Variants in PUM2 observed in about 807,000 individuals in gnomAD.
PUM2 encodes the protein pumilio homolog 2.
A neutral mutation model predicts 124.5 loss-of-function variants in PUM2; 57 were observed. That is an observed-to-expected ratio of 0.46 (90% confidence interval 0.37 to 0.57). The LOEUF (loss-of-function observed/expected upper bound fraction) is 0.57, where lower values mean the gene tolerates loss of function less well. Ranked by LOEUF, PUM2 falls within the 20% of genes least tolerant of loss-of-function variation. The probability of loss-of-function intolerance (pLI) is 0.00; values close to 1 mark genes in which losing one functional copy is unlikely to be tolerated. For synonymous variants in PUM2, 460 were observed against 446.1 expected, an observed-to-expected ratio of 1.03 and a Z score of -0.39; for missense variants, 1,065 against 1,290.6, an observed-to-expected ratio of 0.83 and a Z score of 2.68.
chr2:20,300,617 T>C (rs142783491), intron 7 of PUM2, among the ~76,000 whole-genome samples: 82 of 152,292 alleles, frequency 5.4e-4, no homozygotes, highest in African/African-American at 1.9e-3. Context: ...GTCCTGTTTT[T>C]AGCTATGCCC....
At position 20,350,736 on chromosome 2, in the gene PUM2, A is replaced by AC; in HGVS notation, c.-159dup. The AC allele has an allele frequency of 6.4e-6, 1 of 155,352 alleles. No individual in the cohort carries two copies. 9.6% of individuals were successfully genotyped at this position (155,352 alleles called of 1,614,324 possible). On this transcript the variant is annotated 5_prime_UTR_variant, in exon 1 of 21. Coordinates refer to ENST00000361078, the MANE Select transcript of PUM2 (RefSeq NM_015317.5). ...TCTCCACCTACCACCCTCCCCCCCC[A>AC]CCCCACCTCCTCCTTCTCCTCCCCC... is the stretch of plus-strand genomic sequence containing the variant.
chr2:20,258,494 T>G, intron 15 of PUM2, 123 bp from the exon 16 acceptor site: 1 of 842,030 alleles, frequency 1.2e-6, no homozygotes, highest in Non-Finnish European at 1.8e-6. Flanking sequence ...GGCTTTAAGG[T>G]AGAAGCTAAT....
chr2:20,344,673 T>A (rs760937479), intron 1 of PUM2, among the ~76,000 whole-genome samples: 6 of 151,976 alleles, frequency 3.9e-5, no homozygotes, highest in Non-Finnish European at 7.4e-5. Context: ...GGGACTAAAT[T>A]AACTTCTATA....
chr2:20,314,249 C>T (rs1396675485), intron 3 of PUM2, among the ~76,000 whole-genome samples: 1 of 152,086 alleles, frequency 6.6e-6, no homozygotes, highest in East Asian at 1.9e-4. Context: ...TCAGAACTCA[C>T]GACTATAACG....
chr2:20,268,237 A>C (rs1668166658), intron 13 of PUM2, among the ~76,000 whole-genome samples: 1 of 152,214 alleles, frequency 6.6e-6, no homozygotes, highest in African/African-American at 2.4e-5. Context: ...ATAGAAGAGT[A>C]TGGGGACTAA....
chr2:20,261,054 AG>A (rs2148524574), intron 14 of PUM2, among the ~76,000 whole-genome samples: 1 of 152,266 alleles, frequency 6.6e-6, no homozygotes, highest in Admixed American at 6.5e-5. Flanking sequence ...TACGTTACTC[AG>A]GTGTTCATGA....
At position 20,318,517 on chromosome 2, in the gene PUM2, C is replaced by T; in HGVS notation, c.160+20G>A. ...ATGCTAAATATATTCACAATTCTCA[C>T]ACATATACCAGTAACTTACGAGAAG... On this transcript the variant is annotated intron_variant, in intron 3 of 20. Transcript: ENST00000361078. The T allele has an allele frequency of 6.4e-7, 1 of 1,562,138 alleles. No individual in the cohort carries two copies.
At chr2:20,309,573 A>C (rs1038873936) in intron 5 of PUM2, among the ~76,000 whole-genome samples, 1 of 152,128 alleles carries the variant, frequency 6.6e-6, no homozygotes, top group Non-Finnish European at 1.5e-5. Flanking sequence ...GCCCATTATC[A>C]ATCCTCATTT....
Position 20,249,711 on chromosome 2 carries a change from G to C in PUM2, c.*1874C>G, listed in dbSNP as rs1662843315. 6.6e-6 allele frequency: 1 copy of C among 152,588 alleles called. No homozygotes were observed. The highest frequency in any genetic ancestry group is 2.1e-4 in the South Asian group (1 of 4,834). 9.5% of individuals were successfully genotyped at this position (152,588 alleles called of 1,614,324 possible). On this transcript the variant is annotated 3_prime_UTR_variant, in exon 21 of 21. Transcript: ENST00000361078. ...TCTTCCATATTCAGCTGACAGAATA[G>C]CATGTTCATTTTAGTTTTCAGCACT...
intron 18 of PUM2, 102 bp downstream of exon 18, chr2:20,255,114 A>ATT (rs1156297359): frequency 3.4e-6 from 5 of 1,464,062 alleles, no homozygotes; most frequent in Non-Finnish European, 3.7e-6. Context: ...CTTTTGTCTC[A>ATT]CTCTTGTCTA....
chr2:20,314,036 AG>A (rs1469098719), intron 3 of PUM2, among the ~76,000 whole-genome samples: 1 of 151,926 alleles, frequency 6.6e-6, no homozygotes, highest in Middle Eastern at 3.2e-3. Context: ...CCAGCTACTA[AG>A]GAGGTTGATG....
chr2:20,289,185 A>C (rs1187223743), intron 10 of PUM2, among the ~76,000 whole-genome samples: 4 of 152,106 alleles, frequency 2.6e-5, no homozygotes, highest in Non-Finnish European at 5.9e-5. Flanking sequence ...AGAAATGAGT[A>C]ATAGGGCCAG....
chr2:20,271,288 G>A (rs1379699691), intron 13 of PUM2, among the ~76,000 whole-genome samples: 2 of 152,114 alleles, frequency 1.3e-5, no homozygotes, highest in Non-Finnish European at 2.9e-5. Context: ...ACTATTTACA[G>A]TATTTTAAAG....
At chr2:20,307,838 C>T in intron 7 of PUM2, 140 bp downstream of exon 7, 1 of 1,113,380 alleles carries the variant, frequency 9.0e-7, no homozygotes, top group Non-Finnish European at 1.2e-6. Context: ...TTAATAAACA[C>T]CTTTGTCATA....
intron 1 of PUM2, among the ~76,000 whole-genome samples, chr2:20,344,786 T>C (rs1044895087): frequency 3.3e-5 from 5 of 151,752 alleles, no homozygotes; most frequent in African/African-American, 9.7e-5. Context: ...ATGGAGACCA[T>C]CCTGGCTAAC....
intron 13 of PUM2, among the ~76,000 whole-genome samples, chr2:20,267,336 T>C (rs1667935253): frequency 6.6e-6 from 1 of 152,060 alleles, no homozygotes; most frequent in Non-Finnish European, 1.5e-5. Context: ...ACTTGCAACT[T>C]CCTTTCAAAA....
chr2:20,339,923 G>T (rs1338707078), intron 1 of PUM2, among the ~76,000 whole-genome samples: 4 of 151,022 alleles, frequency 2.6e-5, no homozygotes, highest in African/African-American at 9.7e-5. Context: ...AAAAACACAG[G>T]ATAAGTATTT....
At chr2:20,255,122 C>T in intron 18 of PUM2, 94 bp downstream of exon 18, 7 of 1,479,920 alleles carry the variant, frequency 4.7e-6, no homozygotes, top group Non-Finnish European at 3.7e-6. Flanking sequence ...TCACTCTTGT[C>T]TATAGTGTGT....
chr2:20,348,759 C>CA (rs1472633097), intron 1 of PUM2, among the ~76,000 whole-genome samples: 1 of 151,932 alleles, frequency 6.6e-6, no homozygotes, highest in Non-Finnish European at 1.5e-5. Flanking sequence ...CCTGTCTCTA[C>CA]AAAAAATGCA....
Sources: gnomAD v4.1 joint callset for allele counts (sites outside exome capture counted in the v4.1 genomes callset) on GRCh38, gnomAD v4.1.1 for gene constraint, MANE v1.5 for transcripts, NCBI Gene and HGNC (gene_info 2026-07-23, HGNC 2026-07-21) for gene names.